NR6A1: variants seen among roughly 807,000 people sequenced by gnomAD.
The protein encoded by NR6A1 is nuclear receptor subfamily 6 group A member 1.
A neutral mutation model predicts 59.1 loss-of-function variants in NR6A1; 7 were observed. That is an observed-to-expected ratio of 0.12 (90% CI 0.07 to 0.22). The LOEUF is 0.22. Ranked by LOEUF, NR6A1 falls within the 10% of genes least tolerant of loss-of-function variation. The pLI is 1.00. For missense variants in NR6A1, 468 were observed against 611.6 expected (o/e 0.77, Z 2.48); for synonymous variants, 243 against 236.1 (o/e 1.03, Z -0.27).
intron 2 of NR6A1, among the ~76,000 whole-genome samples, chr9:124,663,393 A>G (rs1837506432): frequency 6.6e-6 from 1 of 152,036 alleles, no homozygotes; most frequent in African/African-American, 2.4e-5. Context: ...AAGAAACATG[A>G]GTCTTAGGGT....
At chr9:124,597,156 G>A (rs927552444) in intron 2 of NR6A1, among the ~76,000 whole-genome samples, 1 of 152,152 alleles carries the variant, frequency 6.6e-6, no homozygotes, top group East Asian at 1.9e-4. Flanking sequence ...ACAAAGTAGA[G>A]CCTAAAGAGA....
chr9:124,663,819 C>T (rs1180914158), intron 2 of NR6A1, among the ~76,000 whole-genome samples: 1 of 151,900 alleles, frequency 6.6e-6, no homozygotes, highest in Non-Finnish European at 1.5e-5. Context: ...TGAATGAATA[C>T]AGAAAAAGTA....
At chr9:124,537,987 C>G (rs763847378) in intron 6 of NR6A1, 105 bp downstream of exon 6, 81 of 854,506 alleles carry the variant, frequency 9.5e-5, no homozygotes, top group Non-Finnish European at 1.3e-4. Flanking sequence ...CATTATCCCC[C>G]CAACTCATTC....
intron 6 of NR6A1, among the ~76,000 whole-genome samples, chr9:124,536,581 C>T (rs1833273542): frequency 6.6e-6 from 1 of 151,774 alleles, no homozygotes; most frequent in Non-Finnish European, 1.5e-5. Context: ...AGAAGAATCA[C>T]TTGAACCTGA....
intron 2 of NR6A1, among the ~76,000 whole-genome samples, chr9:124,593,606 T>C (rs909268515): frequency 1.3e-5 from 2 of 152,114 alleles, no homozygotes; most frequent in African/African-American, 4.8e-5. Flanking sequence ...CTTTGCAAGT[T>C]GAGGAATGAG....
At chr9:124,671,319 T>A (rs994728192) in intron 2 of NR6A1, among the ~76,000 whole-genome samples, 2 of 152,208 alleles carry the variant, frequency 1.3e-5, no homozygotes, top group Non-Finnish European at 2.9e-5. Flanking sequence ...TTTTACATTT[T>A]GCTCTATTCA....
intron 4 of NR6A1, 74 bp downstream of exon 4, chr9:124,543,728 G>C (rs1833514250): frequency 1.7e-6 from 2 of 1,156,744 alleles, no homozygotes; most frequent in African/African-American, 1.6e-5. Context: ...AAAGAGTCAA[G>C]GTGAGCAGTT....
chr9:124,673,308 C>T (rs1195561202), intron 2 of NR6A1, among the ~76,000 whole-genome samples: 1 of 151,806 alleles, frequency 6.6e-6, no homozygotes, highest in Non-Finnish European at 1.5e-5. Context: ...AGCTGAGTGA[C>T]AAGAAAAAGT....
chr9:124,676,502 T>C (rs1837966170), intron 2 of NR6A1, among the ~76,000 whole-genome samples: 1 of 152,212 alleles, frequency 6.6e-6, no homozygotes, highest in Non-Finnish European at 1.5e-5. Context: ...ATATTTTCCT[T>C]TCCTCCAGAT....
chr9:124,693,879 C>A, intron 2 of NR6A1: 1 of 464,546 alleles, frequency 2.2e-6, no homozygotes, highest in Non-Finnish European at 4.5e-6. Flanking sequence ...CTACTATTTC[C>A]AAAACACTAG....
chr9:124,636,564 T>C (rs1187913816), intron 2 of NR6A1, among the ~76,000 whole-genome samples: 1 of 152,240 alleles, frequency 6.6e-6, no homozygotes, highest in Non-Finnish European at 1.5e-5. Flanking sequence ...CATTTAGGTC[T>C]GTGATCCATT....
intron 2 of NR6A1, among the ~76,000 whole-genome samples, chr9:124,566,713 A>C (rs925847020): frequency 3.9e-5 from 6 of 152,176 alleles, no homozygotes; most frequent in Admixed American, 3.9e-4. Context: ...GGCAGAGAGG[A>C]ACTCAAGGTT....
chr9:124,768,289 CAG>C (rs1368350461), intron 1 of NR6A1, among the ~76,000 whole-genome samples: 1 of 152,090 alleles, frequency 6.6e-6, no homozygotes, highest in African/African-American at 2.4e-5. Context: ...GAGTAAAAAA[CAG>C]ATAATTCATT....
At chr9:124,678,342 T>C (rs1297885192) in intron 2 of NR6A1, among the ~76,000 whole-genome samples, 1 of 152,172 alleles carries the variant, frequency 6.6e-6, no homozygotes, top group African/African-American at 2.4e-5. Context: ...AATGTACATA[T>C]CATCACCCTT....
intron 2 of NR6A1, among the ~76,000 whole-genome samples, chr9:124,642,097 G>A (rs113688430): frequency 0.038 from 5,712 of 151,926 alleles, 310 homozygotes; most frequent in African/African-American, 0.11. Context: ...CACCTAGGCC[G>A]GACTGCAGTG....
At chr9:124,769,605 G>C (rs1056944332) in intron 1 of NR6A1, among the ~76,000 whole-genome samples, 1 of 152,230 alleles carries the variant, frequency 6.6e-6, no homozygotes, top group Non-Finnish European at 1.5e-5. Context: ...CATTCAATTT[G>C]AAATCTGTTA....
At position 124,683,710 on chromosome 9, in the gene NR6A1, T is replaced by G. The variant is rs1651940186; in HGVS notation, c.142+49598A>C. On this transcript the variant is annotated intron_variant, in intron 2 of 9. Transcript: ENST00000487099. ...CAGGAGGCTGAGGCAGGAGAATCAC[T>G]TGAACCCAGGAGGTGGAGGTTGCAG... 2.6e-5 allele frequency among the ~76,000 whole-genome samples: 4 copies of G among 152,176 alleles called. No homozygotes were observed. The South Asian group carries it at 8.3e-4, about 32-fold the overall frequency.
chr9:124,708,726 C>G (rs1456450493), intron 2 of NR6A1, among the ~76,000 whole-genome samples: 2 of 152,194 alleles, frequency 1.3e-5, no homozygotes, highest in African/African-American at 4.8e-5. Flanking sequence ...GCTGGACAAG[C>G]CCCAGGGCCA....
At chr9:124,686,070 A>G (rs183828813) in intron 2 of NR6A1, among the ~76,000 whole-genome samples, 171 of 152,340 alleles carry the variant, frequency 1.1e-3, no homozygotes, top group Non-Finnish European at 2.1e-3. Context: ...TATGAAATGA[A>G]TATGTCTACT....
Sources: gnomAD v4.1 joint callset for allele counts (sites outside exome capture counted in the v4.1 genomes callset) on GRCh38, gnomAD v4.1.1 for gene constraint, MANE v1.5 for transcripts, NCBI Gene and HGNC (gene_info 2026-07-23, HGNC 2026-07-21) for gene names.